Variants in LMO3 observed in about 807,000 individuals in gnomAD.
The protein encoded by LMO3 is LIM domain only 3, also known as LIM domain only protein 3.
A neutral mutation model predicts 15.8 loss-of-function variants in LMO3; 2 were observed. The ratio of observed to expected loss-of-function variants is 0.13; its 90% CI spans 0.05 to 0.40. The LOEUF (loss-of-function observed/expected upper bound fraction) is 0.40. Ranked by LOEUF, LMO3 falls within the 10% of genes least tolerant of loss-of-function variation. The pLI is 0.99. For missense variants in LMO3, 86 were observed against 182.2 expected (o/e 0.47, Z 3.04); for synonymous variants, 62 against 63.8 (o/e 0.97, Z 0.13).
rs149748164 is a variant in LMO3, at chr12:16,554,909, G to A, written c.333-3582C>T. ...TCCCAACCTCGTGATCCGCCCGCCC[G>A]CCTCGGCCTCCCAAAGTGCTGGGAT... On this transcript the variant is annotated intron_variant, in intron 3 of 3. Transcript: ENST00000537304. 4.3e-4 allele frequency among the ~76,000 whole-genome samples: 66 copies of A among 152,174 alleles called. No homozygotes were observed. In the East Asian group the frequency reaches 0.012, roughly 27 times the overall value.
chr12:16,551,128 C>G lies in LMO3; in HGVS notation c.*94G>C. 1 of 813,750 alleles carries G rather than the reference C, an allele frequency of 1.2e-6. No individual in the cohort carries two copies. The highest frequency in any genetic ancestry group is 1.4e-5 in the South Asian group (1 of 69,594). 50.4% of individuals were successfully genotyped at this position (813,750 alleles called of 1,614,324 possible). Reference sequence around the variant, plus strand: ...CCTGCCTTCCTATATCTACGCTATTCAGTAGGTTCCTGTGTCAATTCTTAT... The same window carrying G: ...CCTGCCTTCCTATATCTACGCTATTGAGTAGGTTCCTGTGTCAATTCTTAT... On this transcript the variant is annotated 3_prime_UTR_variant, in exon 4 of 4. Coordinates refer to ENST00000537304, the MANE Select transcript of LMO3 (RefSeq NM_018640.5).
intron 2 of LMO3, chr12:16,600,441 A>G: frequency 1.8e-6 from 1 of 544,806 alleles, no homozygotes; most frequent in Admixed American, 3.3e-5. Flanking sequence ...CAGGCAAGCC[A>G]AATTGAAATA....
chr12:16,556,765 A>C (rs1011167629), intron 3 of LMO3, among the ~76,000 whole-genome samples: 3 of 152,190 alleles, frequency 2.0e-5, no homozygotes, highest in Non-Finnish European at 4.4e-5. Flanking sequence ...CCTGGGTAAC[A>C]AAATTTGTCT....
At position 16,605,162 on chromosome 12, in the gene LMO3, C is replaced by A. The variant is rs1413511277; in HGVS notation, c.-9+904G>T. On this transcript the variant is annotated intron_variant, in intron 1 of 3. Transcript: ENST00000537304. ...TGATGGCGAATGACAAAGCCACATGCTTCCCTAACTCTGCCCGTAATCCTA... is the reference window on the plus strand; with the variant it reads ...TGATGGCGAATGACAAAGCCACATGATTCCCTAACTCTGCCCGTAATCCTA... The A allele has an allele frequency of 4.3e-6, 6 of 1,385,160 alleles. No homozygotes were observed. The African/African-American group carries it at 7.3e-5, about 17-fold the overall frequency. The allele number at this position is 1,385,160 out of a possible 1,614,324, so 85.8% of individuals were successfully genotyped here.
chr12:16,607,681 A>G (rs1048947390), upstream of LMO3: 5 of 150,898 alleles, frequency 3.3e-5, no homozygotes, highest in African/African-American at 4.9e-5. Context: ...AAGAGCCAAG[A>G]AATATTCAAT....
chr12:16,555,766 C>T lies in LMO3; in HGVS notation c.333-4439G>A, dbSNP rs1942168179. Among the ~76,000 whole-genome samples the T allele has an allele frequency of 6.6e-6, 1 of 152,182 alleles. No individual in the cohort carries two copies. The highest frequency in any genetic ancestry group is 1.5e-5 in the Non-Finnish European group (1 of 68,034). On this transcript the variant is annotated intron_variant, in intron 3 of 3. Coordinates refer to ENST00000537304, the MANE Select transcript of LMO3 (RefSeq NM_018640.5). This position sits in a 1 kb window ranked among gnomAD's most constrained non-coding sequence, Gnocchi z 5.5. The stretch of plus-strand genomic sequence containing the variant: ...AACACGTCAAATGCTTTCACATCTG[C>T]ATGCCTTTGCACGTTGCTCAATTTG...
At position 16,596,688 on chromosome 12, in the gene LMO3, T is replaced by C. The variant is rs1943670218; in HGVS notation, c.206+3967A>G. Among the ~76,000 whole-genome samples, 2 of 151,688 alleles carry C rather than the reference T, an allele frequency of 1.3e-5. No individual in the cohort carries two copies. ...AATAAAAGCATGTAGAATTCCTAATTCTAAGACTCTGATTATGCACTGGCT... is the reference window on the plus strand; with the variant it reads ...AATAAAAGCATGTAGAATTCCTAATCCTAAGACTCTGATTATGCACTGGCT... On this transcript the variant is annotated intron_variant, in intron 2 of 3. Transcript: ENST00000537304. The surrounding 1 kb of genome is among the most constrained non-coding windows in gnomAD (Gnocchi z 4.3).
intron 2 of LMO3, among the ~76,000 whole-genome samples, chr12:16,590,772 T>C (rs772208811): frequency 2.1e-4 from 32 of 152,050 alleles, no homozygotes; most frequent in Non-Finnish European, 4.0e-4. Flanking sequence ...GCCATATTAA[T>C]AGACGAATGT....
At chr12:16,564,974 G>A (rs1468009836) in intron 2 of LMO3, among the ~76,000 whole-genome samples, 1 of 152,040 alleles carries the variant, frequency 6.6e-6, no homozygotes, top group Non-Finnish European at 1.5e-5. Context: ...AAAATTTGTA[G>A]AGATGGGGTC....
At chr12:16,553,156 A>C (rs1399534835) in intron 3 of LMO3, among the ~76,000 whole-genome samples, 1 of 152,142 alleles carries the variant, frequency 6.6e-6, no homozygotes, top group Non-Finnish European at 1.5e-5. Flanking sequence ...CCTACATCCA[A>C]CCTAGAAAGT....
At chr12:16,557,871 C>G (rs16912020) in intron 3 of LMO3, among the ~76,000 whole-genome samples, 2 of 151,768 alleles carry the variant, frequency 1.3e-5, no homozygotes, top group African/African-American at 2.4e-5. Context: ...GTGCTGAAAT[C>G]TGAATCTCTT....
At chr12:16,557,522 C>T (rs183655722) in intron 3 of LMO3, among the ~76,000 whole-genome samples, 2 of 152,076 alleles carry the variant, frequency 1.3e-5, no homozygotes, top group East Asian at 3.9e-4. Context: ...CTGTTATATA[C>T]CTTGTTTAAG....
chr12:16,556,174 A>AT (rs1418246987), intron 3 of LMO3, among the ~76,000 whole-genome samples: 1 of 152,082 alleles, frequency 6.6e-6, no homozygotes, highest in Non-Finnish European at 1.5e-5. Context: ...CAAGCTTTTT[A>AT]TTTTTCCTTT....
chr12:16,585,886 T>C lies in LMO3; in HGVS notation c.206+14769A>G, dbSNP rs543864959. ...ATGATTCACAGGCCCAAGTAAAACA[T>C]CATTTAGTCATTTATAGTCTCAGAA... On this transcript the variant is annotated intron_variant, in intron 2 of 3. Coordinates refer to ENST00000537304, the MANE Select transcript of LMO3 (RefSeq NM_018640.5). This position sits in a 1 kb window ranked among gnomAD's most constrained non-coding sequence, Gnocchi z 4.7. Among the ~76,000 whole-genome samples the C allele has an allele frequency of 6.6e-6, 1 of 152,268 alleles. No individual in the cohort carries two copies. The highest frequency in any genetic ancestry group is 3.4e-3 in the Middle Eastern group (1 of 294).
chr12:16,580,949 A>G (rs2137534641), intron 2 of LMO3, among the ~76,000 whole-genome samples: 1 of 152,332 alleles, frequency 6.6e-6, no homozygotes, highest in East Asian at 1.9e-4. Flanking sequence ...TATATACAAC[A>G]CAGACATTCA....
intron 3 of LMO3, 60 bp from the exon 4 acceptor site, chr12:16,551,387 T>TG: frequency 9.8e-7 from 1 of 1,021,776 alleles, no homozygotes; most frequent in South Asian, 1.3e-5. Context: ...TCTAGAAATT[T>TG]GAAGATTTAT....
intron 1 of LMO3, chr12:16,602,251 A>G (rs534984568): frequency 6.6e-6 from 1 of 152,254 alleles, no homozygotes; most frequent in Non-Finnish European, 1.5e-5. Flanking sequence ...TTCCTTCTCC[A>G]AAACAGCTAA....
intron 1 of LMO3, chr12:16,605,124 G>T: frequency 7.0e-7 from 1 of 1,421,602 alleles, no homozygotes; most frequent in African/African-American, 1.4e-5. Flanking sequence ...GGAGCCCCTC[G>T]CAGTGTGCAA....
At chr12:16,609,332 A>G (rs1944084367), upstream of LMO3, 1 of 152,108 alleles carries the variant, frequency 6.6e-6, no homozygotes, top group African/African-American at 2.4e-5. Flanking sequence ...CCCTCCCGCG[A>G]GGGAAAAAGT....
Sources: gnomAD v4.1 joint callset for allele counts (sites outside exome capture counted in the v4.1 genomes callset) on GRCh38, gnomAD v4.1.1 for gene constraint, Gnocchi (gnomAD v3.1) non-coding constraint, MANE v1.5 for transcripts, NCBI Gene and HGNC (gene_info 2026-07-23, HGNC 2026-07-21) for gene names.